Variants in RSF1 observed in about 807,000 individuals in gnomAD.
The protein encoded by RSF1 is HBV pX-associated protein 8.
RSF1 carries 13 observed loss-of-function variants against 145.2 expected under a neutral mutation model. The ratio of observed to expected loss-of-function variants is 0.09; its 90% CI spans 0.06 to 0.14. The LOEUF is 0.14. Ranked by LOEUF, RSF1 falls within the 10% of genes least tolerant of loss-of-function variation. The pLI, the probability that RSF1 is intolerant of heterozygous loss-of-function variation, is 1.00. For missense variants in RSF1, 1,517 were observed against 1,718.2 expected, an observed-to-expected ratio of 0.88 and a Z score of 2.07; for synonymous variants, 577 against 592.6, an observed-to-expected ratio of 0.97 and a Z score of 0.38.
chr11:77,800,239 C>T (rs1185628642), intron 1 of RSF1, among the ~76,000 whole-genome samples: 4 of 152,092 alleles, frequency 2.6e-5, no homozygotes, highest in African/African-American at 9.7e-5. Flanking sequence ...TACCTGTAAT[C>T]CCAGCACTTT....
At chr11:77,842,762 A>G in the RSF1 span, 1 of 1,259,204 alleles carries the variant, frequency 7.9e-7, no homozygotes, top group Non-Finnish European at 1.1e-6. Flanking sequence ...CATTAAATTC[A>G]CCCTTTTAAA....
intron 13 of RSF1, among the ~76,000 whole-genome samples, chr11:77,675,980 T>G (rs1959690553): frequency 6.6e-6 from 1 of 152,194 alleles, no homozygotes; most frequent in Admixed American, 6.5e-5. Flanking sequence ...CTTGACCACA[T>G]CTCCAGTAGG....
At chr11:77,751,219 T>G (rs1357781545) in intron 2 of RSF1, among the ~76,000 whole-genome samples, 1 of 152,204 alleles carries the variant, frequency 6.6e-6, no homozygotes, top group Non-Finnish European at 1.5e-5. Context: ...GATCATTAAC[T>G]TATTTATCTT....
chr11:77,740,083 C>G (rs1961471532), intron 4 of RSF1, among the ~76,000 whole-genome samples: 1 of 152,156 alleles, frequency 6.6e-6, no homozygotes, highest in Non-Finnish European at 1.5e-5. Flanking sequence ...GAATAGAAAA[C>G]TATAGCTAAA....
At chr11:77,848,313 T>G in the RSF1 span, among the ~76,000 whole-genome samples, 1 of 152,186 alleles carries the variant, frequency 6.6e-6, no homozygotes, top group African/African-American at 2.4e-5. Context: ...TGCTGTATAT[T>G]TCTATTTTTC....
intron 2 of RSF1, among the ~76,000 whole-genome samples, chr11:77,747,518 A>C (rs1049394139): frequency 2.0e-5 from 3 of 152,230 alleles, no homozygotes; most frequent in Non-Finnish European, 4.4e-5. Flanking sequence ...AAAACATGCC[A>C]AATTCTACAC....
At position 77,820,351 on chromosome 11, in the gene RSF1, C is replaced by T. The variant is rs568659452; in HGVS notation, c.187+177G>A. Among the ~76,000 whole-genome samples the T allele has an allele frequency of 3.9e-5, 6 of 152,378 alleles. No homozygotes were observed. The East Asian group carries it at 1.2e-3, about 29-fold the overall frequency. On this transcript the variant is annotated intron_variant, in intron 1 of 15. Transcript: ENST00000308488. ...CCCTAGGGGGCCTCCGCCCCGCCTC[C>T]CCACTGCCCAAGACCCCGGGGGCTG...
intron 4 of RSF1, among the ~76,000 whole-genome samples, chr11:77,733,557 ATT>A (rs11353278): frequency 0.31 from 38,627 of 124,002 alleles, 4,231 homozygotes; most frequent in East Asian, 0.43. Context: ...TACATCTTTG[ATT>A]TTTTTTTTTT....
the RSF1 span, among the ~76,000 whole-genome samples, chr11:77,839,558 T>A: frequency 1.3e-5 from 2 of 152,124 alleles, no homozygotes; most frequent in Non-Finnish European, 2.9e-5. Flanking sequence ...AGCGAAGACA[T>A]GGAATCAACC....
intron 1 of RSF1, among the ~76,000 whole-genome samples, chr11:77,788,185 T>TAA (rs771986764): frequency 1.1e-4 from 6 of 52,990 alleles, no homozygotes; most frequent in East Asian, 4.2e-4. Flanking sequence ...AAATTAGGGG[T>TAA]AAAAAAAAAA....
chr11:77,734,855 G>A (rs1961302610), intron 4 of RSF1: 4 of 1,586,992 alleles, frequency 2.5e-6, no homozygotes, highest in Non-Finnish European at 3.4e-6. Flanking sequence ...TGAGATTGGT[G>A]AAGAAAGTAT....
intron 1 of RSF1, among the ~76,000 whole-genome samples, chr11:77,807,164 C>T (rs1948685624): frequency 6.6e-6 from 1 of 152,194 alleles, no homozygotes; most frequent in African/African-American, 2.4e-5. Context: ...TATCAGAAAC[C>T]TAATGTATAC....
chr11:77,774,856 T>G (rs1948325818), intron 1 of RSF1, among the ~76,000 whole-genome samples: 1 of 150,500 alleles, frequency 6.6e-6, no homozygotes, highest in Non-Finnish European at 1.5e-5. Flanking sequence ...AACCTCTGCT[T>G]CCCGGGTTCC....
chr11:77,671,540 C>G (rs1959550285), intron 15 of RSF1, among the ~76,000 whole-genome samples: 1 of 151,504 alleles, frequency 6.6e-6, no homozygotes, highest in Non-Finnish European at 1.5e-5. Flanking sequence ...CAATGGAGAT[C>G]TTAAAAATTA....
chr11:77,745,861 A>G (rs11237280), intron 3 of RSF1, among the ~76,000 whole-genome samples: 31,115 of 151,642 alleles, frequency 0.21, 3,346 homozygotes, highest in Middle Eastern at 0.25. Flanking sequence ...AGCTATCCCA[A>G]TGGTCTCTAA....
the RSF1 span, chr11:77,872,041 T>C: frequency 1.1e-6 from 1 of 938,890 alleles, no homozygotes; most frequent in Non-Finnish European, 1.5e-6. Flanking sequence ...AATTTTGGAC[T>C]GGTGATACAC....
Position 77,730,721 on chromosome 11 carries a change from G to A in RSF1, c.579-5022C>T, listed in dbSNP as rs539939115. ...GATGTGTCTTTCCTGTTCTGTTCTC[G>A]TGATAGTGAATGAGTCTCACGAGAT... On this transcript the variant is annotated intron_variant, in intron 4 of 15. Coordinates refer to ENST00000308488, the MANE Select transcript of RSF1 (RefSeq NM_016578.4). Among the ~76,000 whole-genome samples, 12 of 152,246 alleles carry A rather than the reference G, an allele frequency of 7.9e-5. No individual in the cohort carries two copies. The South Asian group carries it at 1.0e-3, about 13-fold the overall frequency.
chr11:77,853,004 C>T, the RSF1 span, among the ~76,000 whole-genome samples: 1 of 152,034 alleles, frequency 6.6e-6, no homozygotes, highest in Non-Finnish European at 1.5e-5. Context: ...ATTGAATAAC[C>T]ATGTACATTT....
At chr11:77,812,884 CAAAAAAA>C (rs71046910) in intron 1 of RSF1, among the ~76,000 whole-genome samples, 174 of 110,558 alleles carry the variant, frequency 1.6e-3, no homozygotes, top group African/African-American at 5.8e-3. Flanking sequence ...AGCTCCATCT[CAAAAAAA>C]AAAAAAAAAA....
Sources: gnomAD v4.1 joint callset for allele counts (sites outside exome capture counted in the v4.1 genomes callset) on GRCh38, gnomAD v4.1.1 for gene constraint, MANE v1.5 for transcripts, NCBI Gene and HGNC (gene_info 2026-07-23, HGNC 2026-07-21) for gene names.